ATP11A: variants seen among roughly 807,000 people sequenced by gnomAD.
The protein encoded by ATP11A is phospholipid-transporting ATPase IH.
In ATP11A, 81 loss-of-function variants were observed where a neutral mutation model predicts 154.4. The ratio of observed to expected loss-of-function variants is 0.52; its 90% CI spans 0.44 to 0.63. ATP11A has a LOEUF of 0.63. Among genes scored for constraint, ATP11A ranks in the 30% least tolerant of loss-of-function variants. ATP11A has a pLI of 0.00. For missense variants in ATP11A, 1,316 were observed against 1,474.3 expected, an observed-to-expected ratio of 0.89 and a Z score of 1.76; for synonymous variants, 623 against 585.9, an observed-to-expected ratio of 1.06 and a Z score of -0.91.
chr13:112,830,103 A>G (rs2079046482), intron 12 of ATP11A, among the ~76,000 whole-genome samples: 1 of 152,254 alleles, frequency 6.6e-6, no homozygotes, highest in Admixed American at 6.5e-5. Flanking sequence ...GGCTCTGCCC[A>G]GTGGCTGGCA....
intron 20 of ATP11A, among the ~76,000 whole-genome samples, 171 bp from the exon 21 acceptor site, chr13:112,857,647 G>A (rs1380616228): frequency 6.6e-6 from 1 of 152,016 alleles, no homozygotes; most frequent in Non-Finnish European, 1.5e-5. Flanking sequence ...TATGAAAAAG[G>A]TTTTATCCTA....
chr13:112,797,429 A>T (rs1001021255), intron 2 of ATP11A, among the ~76,000 whole-genome samples: 3 of 152,190 alleles, frequency 2.0e-5, no homozygotes, highest in Admixed American at 1.3e-4. Flanking sequence ...TCAGAGATAA[A>T]TACAAAAGCA....
chr13:112,773,665 T>G (rs554047354), intron 1 of ATP11A, among the ~76,000 whole-genome samples: 1 of 152,348 alleles, frequency 6.6e-6, no homozygotes. Context: ...TTTGGGTAAC[T>G]GGTCCTTCCT....
chr13:112,871,540 G>A (rs2080520516), intron 25 of ATP11A, among the ~76,000 whole-genome samples, 195 bp from the exon 26 acceptor site: 1 of 152,150 alleles, frequency 6.6e-6, no homozygotes, highest in Admixed American at 6.5e-5. Flanking sequence ...CCGGGAAATG[G>A]GGGCGTCCTG....
At chr13:112,788,580 T>C (rs1255382908) in intron 2 of ATP11A, among the ~76,000 whole-genome samples, 1 of 149,974 alleles carries the variant, frequency 6.7e-6, no homozygotes, top group African/African-American at 2.5e-5. Context: ...CACACCTGTG[T>C]CCTGATGTGT....
At chr13:112,863,579 T>A (rs2080199972) in intron 25 of ATP11A, among the ~76,000 whole-genome samples, 1 of 149,574 alleles carries the variant, frequency 6.7e-6, no homozygotes. Flanking sequence ...GGGCAGTAAT[T>A]CAGTGCGGCC....
intron 1 of ATP11A, among the ~76,000 whole-genome samples, chr13:112,758,948 C>T (rs1018699495): frequency 6.6e-6 from 1 of 152,156 alleles, no homozygotes; most frequent in Non-Finnish European, 1.5e-5. Flanking sequence ...TCATTTTTTA[C>T]GTTACATTTT....
At chr13:112,839,139 G>T (rs888378413) in intron 16 of ATP11A, among the ~76,000 whole-genome samples, 1 of 152,184 alleles carries the variant, frequency 6.6e-6, no homozygotes, top group African/African-American at 2.4e-5. Flanking sequence ...GAAGTCACAG[G>T]CCACTCGGCT....
In ATP11A at chr13:112,803,257, ATTC is replaced by A. The variant is rs916965623; in HGVS notation, c.163-1699_163-1697del. 1.2e-4 allele frequency among the ~76,000 whole-genome samples: 19 copies of A among 152,372 alleles called. No individual in the cohort carries two copies. The East Asian group carries it at 3.5e-3, about 28-fold the overall frequency. ...CCTCTGAAATATTTGTAAACACCAA[ATTC>A]AGAACATGTTGGTTAGTTTAGGACC... On this transcript the variant is annotated intron_variant, in intron 2 of 29. Transcript: ENST00000375645.
intron 2 of ATP11A, among the ~76,000 whole-genome samples, chr13:112,800,332 T>C (rs367548803): frequency 1.1e-4 from 16 of 152,136 alleles, no homozygotes; most frequent in African/African-American, 3.4e-4. Context: ...ACTGGTAACA[T>C]GGCTAATAAA....
intron 20 of ATP11A, 26 bp downstream of exon 20, chr13:112,856,111 T>TGTCTCCACCACGGCCA (rs2079916469): frequency 6.3e-7 from 1 of 1,599,410 alleles, no homozygotes; most frequent in Admixed American, 1.7e-5. Flanking sequence ...CCTCGATAGC[T>TGTCTCCACCACGGCCA]GGTGGTCAGG....
At chr13:112,880,145 G>C (rs574257371) in intron 29 of ATP11A, among the ~76,000 whole-genome samples, 1 of 152,216 alleles carries the variant, frequency 6.6e-6, no homozygotes, top group Non-Finnish European at 1.5e-5. Flanking sequence ...AGGAAAGTCC[G>C]TCGCAGGGCC....
chr13:112,831,460 A>G lies in ATP11A; in HGVS notation c.1307A>G (p.Tyr436Cys), dbSNP rs758308599. 1.1e-5 allele frequency: 17 copies of G among 1,614,080 alleles called. No homozygotes were observed. The highest frequency in any genetic ancestry group is 1.4e-5 in the Non-Finnish European group (16 of 1,180,044). The change falls in exon 13 of 30, where the codon TAC becomes TGC. Residue 436 changes from tyrosine (Y) to cysteine (C), a missense_variant. Physicochemically the swap from Tyr to Cys is radical, Grantham distance 194. Coordinates refer to ENST00000375645, the MANE Select transcript of ATP11A (RefSeq NM_015205.3). Reference sequence around the variant, plus strand: ...GAGTGCTGCATCGAAGGCCATGTCTACGTGCCCCACGTCATCTGCAACGGG... The same window carrying G: ...GAGTGCTGCATCGAAGGCCATGTCTGCGTGCCCCACGTCATCTGCAACGGG... The part of the protein sequence containing the change: ...FKECCIEGHV[Y>C]VPHVICNGQV...
chr13:112,873,167 G>A (rs113641067), intron 26 of ATP11A, among the ~76,000 whole-genome samples: 19 of 137,360 alleles, frequency 1.4e-4, no homozygotes, highest in South Asian at 2.4e-4. Context: ...GTGGTGTGAG[G>A]TGTGGCTTTG....
intron 29 of ATP11A, chr13:112,880,432 A>G (rs1200885258): frequency 1.7e-5 from 16 of 936,138 alleles, no homozygotes; most frequent in Non-Finnish European, 2.1e-5. Context: ...AGACTCCAAC[A>G]GGGGCTTCGA....
At chr13:112,800,008 CA>C (rs1214016488) in intron 2 of ATP11A, among the ~76,000 whole-genome samples, 2 of 152,016 alleles carry the variant, frequency 1.3e-5, no homozygotes, top group Admixed American at 6.6e-5. Context: ...TATAACTTAT[CA>C]AATCTTGTGG....
chr13:112,824,659 T>TA (rs1160862496), intron 10 of ATP11A, among the ~76,000 whole-genome samples: 1 of 152,172 alleles, frequency 6.6e-6, no homozygotes, highest in Non-Finnish European at 1.5e-5. Flanking sequence ...CGCTGCCTCT[T>TA]ACGGACGCCC....
intron 1 of ATP11A, among the ~76,000 whole-genome samples, chr13:112,742,039 G>A (rs976744143): frequency 2.0e-5 from 3 of 151,916 alleles, no homozygotes; most frequent in African/African-American, 7.3e-5. Flanking sequence ...TTCCCCCACA[G>A]GGGAGTGCTC....
chr13:112,871,760 C>A lies in ATP11A; in HGVS notation c.3017C>A (p.Thr1006Lys). ...ATATTTGGAAACTGGACGTTTGGAA[C>A]GCTGGTATTCACCGTGATGGTGTTC... ...GQIFGNWTFG[T>K]LVFTVMVFTV... is the part of the protein sequence containing the mutation. The change falls in exon 26 of 30, where the codon ACG becomes AAG. Residue 1006 changes from threonine to lysine, a missense_variant. Coordinates refer to ENST00000375645, the MANE Select transcript of ATP11A (RefSeq NM_015205.3). 2 of 1,614,150 alleles carry A rather than the reference C, an allele frequency of 1.2e-6. No homozygotes were observed. The highest frequency in any genetic ancestry group is 1.7e-5 in the Admixed American group (1 of 60,022).
Sources: gnomAD v4.1 joint callset for allele counts (sites outside exome capture counted in the v4.1 genomes callset) on GRCh38, gnomAD v4.1.1 for gene constraint, MANE v1.5 for transcripts, NCBI Gene and HGNC (gene_info 2026-07-23, HGNC 2026-07-21) for gene names.